The following ACOT11 variants were observed in gnomAD, a reference collection of about 807,000 sequenced individuals.
ACOT11 encodes acyl-coenzyme A thioesterase 11.
In ACOT11, 69 loss-of-function variants were observed where a neutral mutation model predicts 77.5. The ratio of observed to expected loss-of-function variants is 0.89; its 90% CI spans 0.73 to 1.09. The LOEUF is 1.09. Ranked by LOEUF, ACOT11 falls within the 50% of genes least tolerant of loss-of-function variation. The pLI is 0.00. For synonymous variants in ACOT11, 279 were observed against 313.0 expected, an observed-to-expected ratio of 0.89 and a Z score of 1.15; for missense variants, 766 against 813.7, an observed-to-expected ratio of 0.94 and a Z score of 0.71.
Position 54,594,567 on chromosome 1 carries a change from G to A in ACOT11, c.483G>A (p.Lys161=), listed in dbSNP as rs754114254. The A allele has an allele frequency of 1.4e-5, 23 of 1,613,560 alleles. No individual in the cohort carries two copies. Among genetic ancestry groups the A allele is most frequent in the Admixed American group, 3.3e-5 (2 of 59,938 alleles). ...ARREITKVKL[K]QITPRTEEEK... Reference sequence around the variant, plus strand: ...CCCCTGGCCGACAGGTGAAGCTGAAGCAGATCACGCCGCGGACAGAAGAGG... The same window carrying A: ...CCCCTGGCCGACAGGTGAAGCTGAAACAGATCACGCCGCGGACAGAAGAGG... Residue 161 remains lysine (K), a synonymous_variant, in exon 6 of 16, where the codon AAG becomes AAA. Transcript: ENST00000343744.
rs186696825 is a variant in ACOT11 at position 54,572,091 on chromosome 1, C to T, written c.34-12564C>T. On this transcript the variant is annotated intron_variant, in intron 1 of 15. Coordinates refer to ENST00000343744, the MANE Select transcript of ACOT11 (RefSeq NM_147161.4). Reference sequence around the variant, plus strand: ...GTGGGGGAGGTCTGGAGCCTGTCCTCCCTTCCTGCTCGCCTCTCTTCTGCT... The same window carrying T: ...GTGGGGGAGGTCTGGAGCCTGTCCTTCCTTCCTGCTCGCCTCTCTTCTGCT... Among the ~76,000 whole-genome samples, 28 of 151,974 alleles carry T rather than the reference C, an allele frequency of 1.8e-4. No homozygotes were observed. The East Asian group carries it at 4.3e-3, about 23-fold the overall frequency.
At chr1:54,608,188 C>G (rs1347097113) in intron 15 of ACOT11, 120 bp downstream of exon 15, 3 of 946,688 alleles carry the variant, frequency 3.2e-6, no homozygotes, top group Non-Finnish European at 4.6e-6. Flanking sequence ...CAGGCTCCCC[C>G]TTCCAGCCTG....
intron 13 of ACOT11, among the ~76,000 whole-genome samples, chr1:54,606,004 G>T (rs72668284): frequency 0.043 from 6,619 of 152,266 alleles, 198 homozygotes; most frequent in Middle Eastern, 0.14. Context: ...CAGTCCGCTG[G>T]TCACTTGGTG....
At chr1:54,601,546 A>G in intron 9 of ACOT11, 133 bp downstream of exon 9, 1 of 1,343,534 alleles carries the variant, frequency 7.4e-7, no homozygotes, top group Non-Finnish European at 1.0e-6. Flanking sequence ...GCTGGGGCAC[A>G]GCCAGCTGAG....
At position 54,609,385 on chromosome 1, in the gene ACOT11, G is replaced by C. The variant is rs777318239; in HGVS notation, c.*273G>C. 3.1e-6 allele frequency: 5 copies of C among 1,614,134 alleles called. No homozygotes were observed. The South Asian group carries it at 4.4e-5, about 14-fold the overall frequency. ...GCAATGCTGTCCTCACAGAGGCATA[G>C]TCGCCCCCAGCTGGGTTGTGCTCCA... On this transcript the variant is annotated 3_prime_UTR_variant, in exon 16 of 16. Transcript: ENST00000343744.
intron 1 of ACOT11, among the ~76,000 whole-genome samples, chr1:54,571,300 T>C (rs1264122425): frequency 6.6e-6 from 1 of 152,200 alleles, no homozygotes. Context: ...TTCACCCTTC[T>C]GATTATTTCA....
In ACOT11 at chr1:54,609,821, A is replaced by C. The variant is rs765712519; in HGVS notation, c.*709A>C. On this transcript the variant is annotated 3_prime_UTR_variant, in exon 16 of 16. Transcript: ENST00000343744. Reference sequence around the variant, plus strand: ...GCCCCAGTGTCCGGGATGTGTGGCCAGCTGCTGCAGGCAGGACTCCAGCGT... The same window carrying C: ...GCCCCAGTGTCCGGGATGTGTGGCCCGCTGCTGCAGGCAGGACTCCAGCGT... 4 of 1,614,214 alleles carry C rather than the reference A, an allele frequency of 2.5e-6. No individual in the cohort carries two copies. In the Admixed American group the frequency reaches 6.7e-5, roughly 27 times the overall value.
At chr1:54,585,528 A>T (rs151053153) in intron 2 of ACOT11, among the ~76,000 whole-genome samples, 1 of 152,348 alleles carries the variant, frequency 6.6e-6, no homozygotes, top group African/African-American at 2.4e-5. Flanking sequence ...CTGAGTGTGT[A>T]CTATGTGCCA....
At chr1:54,601,984 G>T (rs1003423222) in intron 9 of ACOT11, among the ~76,000 whole-genome samples, 2 of 152,234 alleles carry the variant, frequency 1.3e-5, no homozygotes, top group African/African-American at 4.8e-5. Flanking sequence ...TGGAGAGGCC[G>T]CTCCCTCCCT....
intron 6 of ACOT11, among the ~76,000 whole-genome samples, 176 bp downstream of exon 6, chr1:54,594,867 G>A (rs563469727): frequency 6.6e-6 from 1 of 152,332 alleles, no homozygotes; most frequent in South Asian, 2.1e-4. Context: ...GAAGGGGAGT[G>A]TTTGGGCCTC....
At chr1:54,638,019 A>ACTATG (rs1644340460) in exon 17 of ACOT11, 1 of 152,182 alleles carries the variant, frequency 6.6e-6, no homozygotes, top group Non-Finnish European at 1.5e-5. Context: ...AGAGGGTCTC[A>ACTATG]CTATGCTGCC....
intron 1 of ACOT11, among the ~76,000 whole-genome samples, chr1:54,562,014 A>G (rs1367028638): frequency 4.3e-4 from 22 of 51,084 alleles, no homozygotes; most frequent in South Asian, 2.9e-3. Context: ...CTCACCTCCC[A>G]GACGGGGCGG....
At chr1:54,582,610 A>T in intron 1 of ACOT11, 1 of 764,982 alleles carries the variant, frequency 1.3e-6, no homozygotes, top group Non-Finnish European at 1.6e-6. Context: ...AGAAGCAGAG[A>T]GAGGACCAGA....
chr1:54,622,782 G>T (rs943320390), intron 15 of ACOT11, among the ~76,000 whole-genome samples: 7 of 151,320 alleles, frequency 4.6e-5, no homozygotes. Flanking sequence ...GGAAGTCAAC[G>T]GGACTTTCTG....
At chr1:54,573,566 C>A (rs1046390087) in intron 1 of ACOT11, among the ~76,000 whole-genome samples, 2 of 152,140 alleles carry the variant, frequency 1.3e-5, no homozygotes, top group African/African-American at 4.8e-5. Flanking sequence ...AACCCCATCT[C>A]TACTAAAAAT....
intron 1 of ACOT11, among the ~76,000 whole-genome samples, chr1:54,564,393 C>CG (rs1332700198): frequency 5.4e-5 from 8 of 148,454 alleles, no homozygotes; most frequent in South Asian, 4.2e-4. Flanking sequence ...AGGTTGCCTG[C>CG]GGGGGGTGGG....
At chr1:54,598,530 G>A (rs572329684) in intron 7 of ACOT11, 7 of 152,378 alleles carry the variant, frequency 4.6e-5, no homozygotes, top group South Asian at 2.1e-4. Context: ...TCCAGGCTGC[G>A]TCTGGGGATG....
intron 10 of ACOT11, 138 bp downstream of exon 10, chr1:54,602,862 T>C: frequency 1.0e-6 from 1 of 959,848 alleles, no homozygotes; most frequent in Non-Finnish European, 1.5e-6. Context: ...CTCGTTTTGG[T>C]CTTATTACAC....
chr1:54,608,175 C>A, intron 15 of ACOT11, 107 bp downstream of exon 15: 3 of 1,102,558 alleles, frequency 2.7e-6, no homozygotes, highest in Non-Finnish European at 3.8e-6. Flanking sequence ...GCTGGCCCCC[C>A]AGCAGGCTCC....
Sources: gnomAD v4.1 joint callset for allele counts (sites outside exome capture counted in the v4.1 genomes callset) on GRCh38, gnomAD v4.1.1 for gene constraint, MANE v1.5 for transcripts, NCBI Gene and HGNC (gene_info 2026-07-23, HGNC 2026-07-21) for gene names.